RSU1: variants seen among roughly 807,000 people sequenced by gnomAD.
RSU1 encodes the protein rsu-1.
In RSU1, 26 loss-of-function variants were observed where a neutral mutation model predicts 31.1. The observed-to-expected ratio is 0.84, with a 90% confidence interval of 0.61 to 1.16. RSU1 has a LOEUF of 1.16. Among genes scored for constraint, RSU1 ranks in the 50% most tolerant of loss-of-function variants. The pLI, the probability that RSU1 is intolerant of heterozygous loss-of-function variation, is 0.00. For missense variants in RSU1, 320 were observed against 339.1 expected (o/e 0.94, Z 0.44); for synonymous variants, 164 against 136.3 (o/e 1.20, Z -1.41).
At chr10:16,595,765 G>T (rs1833600322) in intron 8 of RSU1, among the ~76,000 whole-genome samples, 1 of 151,834 alleles carries the variant, frequency 6.6e-6, no homozygotes, top group Non-Finnish European at 1.5e-5. Flanking sequence ...TCAAGAGATG[G>T]AGACCATCCT....
chr10:16,695,165 G>GC lies in RSU1; in HGVS notation c.599-11_599-10insG, dbSNP rs372430392. ...GTTAAATCCAAGTTTCCTGGGGGGG[G>GC]GGAAAAAAAAAGTGAAGGTCACTTC... is the stretch of plus-strand genomic sequence containing the variant. On this transcript the variant is annotated splice_polypyrimidine_tract_variant and intron_variant, in intron 7 of 8. Coordinates refer to ENST00000345264, the MANE Select transcript of RSU1 (RefSeq NM_012425.4). 4.1e-5 allele frequency: 58 copies of GC among 1,430,888 alleles called. 1 individual carries two copies. In the East Asian group the frequency reaches 1.3e-3, roughly 32 times the overall value. The allele number at this position is 1,430,888 out of a possible 1,614,324, so 88.6% of individuals were successfully genotyped here. A position where few individuals can be genotyped will look rare whatever the true frequency, so the allele number is the denominator to read the frequency against.
intron 8 of RSU1, among the ~76,000 whole-genome samples, chr10:16,645,997 T>TATAC (rs1372407176): frequency 2.2e-5 from 2 of 90,286 alleles, no homozygotes; most frequent in African/African-American, 6.2e-5. Flanking sequence ...TATATGTGTA[T>TATAC]ATATATGTGT....
intron 2 of RSU1, among the ~76,000 whole-genome samples, chr10:16,806,133 T>C (rs897379041): frequency 2.6e-5 from 4 of 152,212 alleles, no homozygotes; most frequent in Non-Finnish European, 5.9e-5. Flanking sequence ...TATGTGTAAG[T>C]ATTTTGGGAA....
At chr10:16,741,579 G>A (rs1836752561) in intron 7 of RSU1, among the ~76,000 whole-genome samples, 1 of 152,170 alleles carries the variant, frequency 6.6e-6, no homozygotes, top group South Asian at 2.1e-4. Context: ...ATGAAAAAGT[G>A]AGAGGAGGTT....
At chr10:16,717,472 G>A (rs969135016) in intron 7 of RSU1, among the ~76,000 whole-genome samples, 1 of 152,078 alleles carries the variant, frequency 6.6e-6, no homozygotes, top group Non-Finnish European at 1.5e-5. Context: ...ATTTTCACTT[G>A]TTCTCAGGTT....
intron 8 of RSU1, among the ~76,000 whole-genome samples, chr10:16,658,821 G>A (rs78208997): frequency 0.039 from 5,888 of 152,208 alleles, 165 homozygotes; most frequent in African/African-American, 0.064. Context: ...TAAAACCCTA[G>A]AGAACTTAGA....
chr10:16,683,414 A>C (rs751467524), intron 8 of RSU1, among the ~76,000 whole-genome samples: 2 of 152,202 alleles, frequency 1.3e-5, no homozygotes, highest in Non-Finnish European at 2.9e-5. Context: ...ATGGTATTAA[A>C]AAATAGCCCA....
At chr10:16,711,496 C>T (rs572673245) in intron 7 of RSU1, among the ~76,000 whole-genome samples, 1 of 152,084 alleles carries the variant, frequency 6.6e-6, no homozygotes, top group Non-Finnish European at 1.5e-5. Context: ...CATTAAAAAT[C>T]TCTCTTCTTT....
intron 8 of RSU1, among the ~76,000 whole-genome samples, chr10:16,616,200 A>C (rs1475628313): frequency 6.6e-6 from 1 of 152,060 alleles, no homozygotes; most frequent in Non-Finnish European, 1.5e-5. Flanking sequence ...CAGAAATACA[A>C]ACTACCATCA....
chr10:16,654,922 G>A (rs1193925842), intron 8 of RSU1, among the ~76,000 whole-genome samples: 2 of 151,644 alleles, frequency 1.3e-5, no homozygotes, highest in African/African-American at 4.8e-5. Context: ...AAAACAGGTG[G>A]GTGTGGTGGC....
chr10:16,726,860 A>G (rs957392727), intron 7 of RSU1, among the ~76,000 whole-genome samples: 1 of 152,116 alleles, frequency 6.6e-6, no homozygotes, highest in Non-Finnish European at 1.5e-5. Flanking sequence ...TAGGCATTGG[A>G]TGAAGCGAGC....
chr10:16,641,881 T>C (rs1331498374), intron 8 of RSU1, among the ~76,000 whole-genome samples: 2 of 152,226 alleles, frequency 1.3e-5, no homozygotes, highest in African/African-American at 2.4e-5. Flanking sequence ...ATCAGAAACC[T>C]GATCCATGTA....
intron 8 of RSU1, among the ~76,000 whole-genome samples, chr10:16,608,175 C>A (rs77618831): frequency 6.6e-6 from 1 of 152,328 alleles, no homozygotes; most frequent in East Asian, 1.9e-4. Flanking sequence ...TTCCCCTCCT[C>A]CATCGCCCAT....
intron 8 of RSU1, among the ~76,000 whole-genome samples, chr10:16,652,446 T>TG (rs2131515841): frequency 7.0e-6 from 1 of 141,984 alleles, no homozygotes; most frequent in Admixed American, 7.1e-5. Flanking sequence ...CATTCTTAAG[T>TG]GGAAAAAAAC....
chr10:16,765,140 A>G (rs1213135132), intron 3 of RSU1, among the ~76,000 whole-genome samples: 3 of 152,076 alleles, frequency 2.0e-5, no homozygotes, highest in Non-Finnish European at 4.4e-5. Flanking sequence ...TTGCATTGCC[A>G]CCAGAAGAAA....
chr10:16,664,029 G>C (rs1340607524), intron 8 of RSU1, among the ~76,000 whole-genome samples: 3 of 152,046 alleles, frequency 2.0e-5, no homozygotes, highest in African/African-American at 7.2e-5. Context: ...AGGGACTAGG[G>C]TTAAATATGA....
intron 8 of RSU1, among the ~76,000 whole-genome samples, chr10:16,682,195 C>T (rs1835338252): frequency 6.6e-6 from 1 of 152,180 alleles, no homozygotes; most frequent in East Asian, 1.9e-4. Context: ...ACTCCACACT[C>T]TATAGGGCAA....
rs186124140 is a variant in RSU1 at position 16,612,891 on chromosome 10, C to G, written c.732-19395G>C. ...CTGATGCCAGCAGGCAACCTTCCCC[C>G]CTCCTCTTCCCCCTGGTTATTTGTC... On this transcript the variant is annotated intron_variant, in intron 8 of 8. Coordinates refer to ENST00000345264, the MANE Select transcript of RSU1 (RefSeq NM_012425.4). Among the ~76,000 whole-genome samples, 39 of 151,974 alleles carry G rather than the reference C, an allele frequency of 2.6e-4. No individual in the cohort carries two copies. In the East Asian group the frequency reaches 5.8e-3, roughly 23 times the overall value.
At chr10:16,811,749 A>C (rs1453906845) in intron 2 of RSU1, among the ~76,000 whole-genome samples, 1 of 152,222 alleles carries the variant, frequency 6.6e-6, no homozygotes, top group Non-Finnish European at 1.5e-5. Context: ...TCCCTCTGGA[A>C]ACTGCGGAGA....
Sources: gnomAD v4.1 joint callset for allele counts (sites outside exome capture counted in the v4.1 genomes callset) on GRCh38, gnomAD v4.1.1 for gene constraint, MANE v1.5 for transcripts, NCBI Gene and HGNC (gene_info 2026-07-23, HGNC 2026-07-21) for gene names.